SVIL: variants seen among roughly 807,000 people sequenced by gnomAD.
The protein encoded by SVIL is supervillin, also known as archvillin.
In SVIL, 101 loss-of-function variants were observed where a neutral mutation model predicts 240.4. That is an observed-to-expected ratio of 0.42 (90% CI 0.36 to 0.50). The LOEUF (loss-of-function observed/expected upper bound fraction) is 0.50. Among genes scored for constraint, SVIL ranks in the 20% least tolerant of loss-of-function variants. The probability of loss-of-function intolerance (pLI) is 0.01; values close to 1 mark genes in which losing one functional copy is unlikely to be tolerated. For missense variants in SVIL, 2,512 were observed against 2,818.7 expected (o/e 0.89, Z 2.46); for synonymous variants, 999 against 1,100.0 (o/e 0.91, Z 1.82).
intron 24 of SVIL, 106 bp downstream of exon 24, chr10:29,487,057 G>GC: frequency 7.1e-7 from 1 of 1,401,104 alleles, no homozygotes; most frequent in South Asian, 1.4e-5. Flanking sequence ...TCACTTGAAT[G>GC]CAACACCTGG....
chr10:29,647,637 T>TTGTG (rs530113396), intron 3 of SVIL, among the ~76,000 whole-genome samples: 59 of 150,538 alleles, frequency 3.9e-4, no homozygotes, highest in Middle Eastern at 3.4e-3. Flanking sequence ...GTGTGTGTGT[T>TTGTG]TGTGTGTGTG....
intron 1 of SVIL, among the ~76,000 whole-genome samples, chr10:29,587,557 T>C (rs937536393): frequency 1.5e-4 from 23 of 152,220 alleles, no homozygotes; most frequent in African/African-American, 5.5e-4. Flanking sequence ...TCCCTGCAGT[T>C]GGCCAGACTC....
chr10:29,707,922 A>G (rs941478304), intron 1 of SVIL, among the ~76,000 whole-genome samples: 1 of 152,176 alleles, frequency 6.6e-6, no homozygotes. Context: ...ATTTAAACTC[A>G]TGTAGTCTGG....
At chr10:29,670,338 A>T (rs1345269917) in intron 2 of SVIL, among the ~76,000 whole-genome samples, 1 of 152,218 alleles carries the variant, frequency 6.6e-6, no homozygotes, top group Non-Finnish European at 1.5e-5. Context: ...GGAAACAAAG[A>T]TTTCCAGCAA....
intron 1 of SVIL, among the ~76,000 whole-genome samples, chr10:29,721,946 A>C (rs1397313131): frequency 6.6e-6 from 1 of 152,160 alleles, no homozygotes; most frequent in Admixed American, 6.6e-5. Flanking sequence ...TAACCTTAAA[A>C]ATAAATCAGG....
intron 2 of SVIL, among the ~76,000 whole-genome samples, chr10:29,670,045 G>A (rs1959646102): frequency 1.3e-5 from 2 of 151,798 alleles, no homozygotes; most frequent in African/African-American, 4.8e-5. Flanking sequence ...AGCCCAAAAG[G>A]TCAAGGTTGC....
intron 1 of SVIL, among the ~76,000 whole-genome samples, chr10:29,607,342 G>A (rs1269670939): frequency 6.6e-6 from 1 of 152,056 alleles, no homozygotes; most frequent in Non-Finnish European, 1.5e-5. Flanking sequence ...GGCAGCTCTT[G>A]CTTATTTGTC....
At chr10:29,518,417 TA>T (rs1175756801) in intron 16 of SVIL, among the ~76,000 whole-genome samples, 7 of 151,946 alleles carry the variant, frequency 4.6e-5, no homozygotes, top group Non-Finnish European at 7.4e-5. Context: ...TAAATAAATA[TA>T]AAAATAACTT....
At chr10:29,576,194 A>G in intron 1 of SVIL, 4 of 859,904 alleles carry the variant, frequency 4.7e-6, no homozygotes, top group African/African-American at 3.6e-5. Context: ...ATGGACACTC[A>G]TAAGAATGAC....
intron 16 of SVIL, among the ~76,000 whole-genome samples, chr10:29,514,072 A>T (rs1589063619): frequency 6.6e-6 from 1 of 152,120 alleles, no homozygotes; most frequent in Non-Finnish European, 1.5e-5. Context: ...AAATAATTAG[A>T]TCCTTTTCCC....
At chr10:29,478,101 T>C (rs536433862) in intron 29 of SVIL, among the ~76,000 whole-genome samples, 1 of 152,324 alleles carries the variant, frequency 6.6e-6, no homozygotes, top group East Asian at 1.9e-4. Context: ...GTTTGTTCTT[T>C]AAAGTTCCCA....
chr10:29,461,775 CAATATT>C (rs1462189784), intron 36 of SVIL, among the ~76,000 whole-genome samples: 4 of 152,144 alleles, frequency 2.6e-5, no homozygotes, highest in South Asian at 2.1e-4. Context: ...TCATAAAAGA[CAATATT>C]AATGAGATGT....
rs73596062 is a variant in SVIL at position 29,588,881 on chromosome 10, T to G, written c.-200-19569A>C. On this transcript the variant is annotated intron_variant, in intron 1 of 37. Coordinates refer to ENST00000355867, the MANE Select transcript of SVIL (RefSeq NM_021738.3). ...AATGCTCATCAGAGCCTCACAAGAA[T>G]GTGACCACTTGCCTCACTTCCTACC... is the stretch of plus-strand genomic sequence containing the variant. Among the ~76,000 whole-genome samples the G allele has an allele frequency of 8.8e-3, 1,340 of 152,290 alleles. 20 individuals carry two copies. The highest frequency in any genetic ancestry group is 0.031 in the African/African-American group (1,284 of 41,550).
intron 1 of SVIL, among the ~76,000 whole-genome samples, chr10:29,623,713 A>G (rs184587172): frequency 2.6e-5 from 4 of 152,142 alleles, no homozygotes; most frequent in East Asian, 1.9e-4. Flanking sequence ...TTAGCCAGGC[A>G]TGGTGGCACG....
chr10:29,464,070 G>A (rs1944595897), intron 34 of SVIL, among the ~76,000 whole-genome samples: 1 of 152,192 alleles, frequency 6.6e-6, no homozygotes, highest in Non-Finnish European at 1.5e-5. Flanking sequence ...GGTCAGTGGC[G>A]TTCCTGCCCT....
At chr10:29,535,966 C>T in intron 7 of SVIL, 23 bp downstream of exon 7, 1 of 1,613,706 alleles carries the variant, frequency 6.2e-7, no homozygotes, top group East Asian at 2.2e-5. Context: ...CACACAAGCC[C>T]CAGAGGGCCG....
intron 1 of SVIL, among the ~76,000 whole-genome samples, chr10:29,734,290 T>C (rs1280064381): frequency 6.6e-6 from 1 of 152,176 alleles, no homozygotes; most frequent in Non-Finnish European, 1.5e-5. Flanking sequence ...AAGCCAGAGA[T>C]AGGTGGAAAG....
intron 2 of SVIL, among the ~76,000 whole-genome samples, chr10:29,673,560 G>A (rs938715096): frequency 6.2e-5 from 9 of 144,238 alleles, no homozygotes; most frequent in African/African-American, 1.8e-4. Context: ...AGCAAGGCAC[G>A]TCTTACATGG....
At chr10:29,503,888 C>A (rs1564530140) in intron 17 of SVIL, among the ~76,000 whole-genome samples, 1 of 152,032 alleles carries the variant, frequency 6.6e-6, no homozygotes, top group Non-Finnish European at 1.5e-5. Flanking sequence ...CCAGAATAGC[C>A]AACACAACAC....
Sources: allele counts gnomAD v4.1 joint callset (sites outside exome capture counted in the v4.1 genomes callset), GRCh38; gene constraint gnomAD v4.1.1; transcripts MANE v1.5; gene names NCBI Gene and HGNC (gene_info 2026-07-23, HGNC 2026-07-21).